Variants in ADCY4 observed in about 807,000 individuals in gnomAD.
The protein encoded by ADCY4 is adenylate cyclase type 4.
In ADCY4, 111 loss-of-function variants were observed where a neutral mutation model predicts 125.5. That is an observed-to-expected ratio of 0.88 (90% CI 0.76 to 1.04). The LOEUF is 1.04. ADCY4 is among the 50% of genes least tolerant of loss of function. ADCY4 has a pLI of 0.00. For missense variants in ADCY4, 1,256 were observed against 1,382.9 expected, an observed-to-expected ratio of 0.91 and a Z score of 1.46; for synonymous variants, 576 against 586.9, an observed-to-expected ratio of 0.98 and a Z score of 0.27.
intron 3 of ADCY4, 90 bp downstream of exon 3, chr14:24,332,432 T>C: frequency 7.0e-7 from 1 of 1,424,748 alleles, no homozygotes. Flanking sequence ...CACCTTGACT[T>C]GGAGTCACAG....
In ADCY4 at chr14:24,319,398, G is replaced by C; in HGVS notation, c.2772C>G (p.Ile924Met). 1 of 1,614,204 alleles carries C rather than the reference G, an allele frequency of 6.2e-7. No homozygotes were observed. The highest frequency in any genetic ancestry group is 8.5e-7 in the Non-Finnish European group (1 of 1,180,036). The change falls in exon 22 of 25, where the codon ATC becomes ATG. Residue 924 changes from isoleucine (I) to methionine (M), a missense_variant. By Grantham distance (10) the Ile-to-Met change is conservative. Transcript: ENST00000418030. The surrounding 1 kb of genome is among the most constrained non-coding windows in gnomAD (Gnocchi z 4.5). ...SKPKFSGVEKIKTIGSTYMAA... is the reference protein window; with the variant it reads ...SKPKFSGVEKMKTIGSTYMAA... ...CCATGTAGGTGCTGCCGATGGTCTT[G>C]ATCTTCTCCACCCCACTGAACTTGG...
chr14:24,332,747 G>A (rs533222814), intron 2 of ADCY4, 44 bp downstream of exon 2: 2 of 1,537,902 alleles, frequency 1.3e-6, no homozygotes, highest in African/African-American at 2.7e-5. Flanking sequence ...GTGAGGGATC[G>A]AAGCCCGGGC....
intron 1 of ADCY4, among the ~76,000 whole-genome samples, chr14:24,333,951 C>G (rs2042091909): frequency 6.6e-6 from 1 of 152,182 alleles, no homozygotes; most frequent in Admixed American, 6.5e-5. Context: ...TTGGCCGCGC[C>G]CGGTGATTTT....
intron 15 of ADCY4, 48 bp downstream of exon 15, chr14:24,324,259 T>G: frequency 6.2e-7 from 1 of 1,614,116 alleles, no homozygotes; most frequent in Non-Finnish European, 8.5e-7. Flanking sequence ...CAGGACAGGT[T>G]GTGACCAGGG....
rs372161864 is a variant in ADCY4, at chr14:24,329,973, G to A, written c.1104C>T (p.Gly368=). Residue 368 remains glycine (G), a synonymous_variant, in exon 8 of 25, where the codon GGC becomes GGT. Transcript: ENST00000418030. ...CACACAGTACGCTGCCTGAGTGCACGCCCACACGCATGTTGATGTCCACGC... is the reference window on the plus strand; with the variant it reads ...CACACAGTACGCTGCCTGAGTGCACACCCACACGCATGTTGATGTCCACGC... The part of the protein sequence containing the change: ...ATGVDINMRV[G]VHSGSVLCGV... The A allele has an allele frequency of 1.5e-5, 24 of 1,613,910 alleles. No individual in the cohort carries two copies. The highest frequency in any genetic ancestry group is 2.2e-5 in the East Asian group (1 of 44,898).
chr14:24,322,889 A>T lies in ADCY4; in HGVS notation c.2342+15T>A, dbSNP rs746586772. ...CCCAGGGGGCCCGGCACCTCTGTCC[A>T]GCAGCTGTGCACACCTGGAGTCCAA... On this transcript the variant is annotated intron_variant, in intron 18 of 24. Coordinates refer to ENST00000418030, the MANE Select transcript of ADCY4 (RefSeq NM_001198568.2). The T allele has an allele frequency of 1.3e-6, 2 of 1,580,976 alleles. No individual in the cohort carries two copies. The highest frequency in any genetic ancestry group is 8.6e-7 in the Non-Finnish European group (1 of 1,163,602).
At position 24,319,390 on chromosome 14, in the gene ADCY4, A is replaced by G; in HGVS notation, c.2780T>C (p.Ile927Thr). The G allele has an allele frequency of 6.2e-7, 1 of 1,614,174 alleles. No homozygotes were observed. The highest frequency in any genetic ancestry group is 8.5e-7 in the Non-Finnish European group (1 of 1,180,034). The change falls in exon 22 of 25, where the codon ATC becomes ACC. Residue 927 changes from isoleucine to threonine, a missense_variant. Transcript: ENST00000418030. The surrounding 1 kb of genome is among the most constrained non-coding windows in gnomAD (Gnocchi z 4.5). ...KFSGVEKIKT[I>T]GSTYMAATGL... ...TGTGGCTGCCATGTAGGTGCTGCCG[A>G]TGGTCTTGATCTTCTCCACCCCACT...
chr14:24,333,734 G>A (rs1594672285), intron 1 of ADCY4, among the ~76,000 whole-genome samples: 2 of 152,226 alleles, frequency 1.3e-5, no homozygotes, highest in East Asian at 1.9e-4. Flanking sequence ...GGAGATTCCC[G>A]GAGCCGGGGA....
intron 13 of ADCY4, 97 bp downstream of exon 13, chr14:24,325,721 G>A (rs2041931500): frequency 6.4e-6 from 9 of 1,405,716 alleles, no homozygotes; most frequent in South Asian, 6.4e-5. Context: ...ATCACAAACT[G>A]AGCAGACTTG....
At position 24,332,560 on chromosome 14, in the gene ADCY4, C is replaced by T; in HGVS notation, c.481G>A (p.Gly161Arg). 6.4e-7 allele frequency: 1 copy of T among 1,574,714 alleles called. No individual in the cohort carries two copies. Among genetic ancestry groups the T allele is most frequent in the Non-Finnish European group, 8.6e-7 (1 of 1,160,220 alleles). ...SHLLVLGLYL[G>R]PQPDSRPALL... ...GCAGGCCGTGAGTCCGGCTGTGGCC[C>T]AAGATACAGCCCGAGGACCAGCAGA... Residue 161 changes from glycine (G) to arginine (R), a missense_variant, in exon 3 of 25, where the codon GGG (glycine) becomes AGG (arginine). Transcript: ENST00000418030.
chr14:24,329,272 A>G (rs1255592103), intron 9 of ADCY4, 38 bp from the exon 10 acceptor site: 4 of 1,604,676 alleles, frequency 2.5e-6, no homozygotes, highest in Non-Finnish European at 3.4e-6. Context: ...GACCACAGAC[A>G]CTTCCTCCTT....
At chr14:24,329,662 T>C in intron 8 of ADCY4, 129 bp from the exon 9 acceptor site, 1 of 1,424,472 alleles carries the variant, frequency 7.0e-7, no homozygotes, top group Non-Finnish European at 9.2e-7. Flanking sequence ...CCTGGATGTC[T>C]GACTTCAAGA....
intron 19 of ADCY4, 154 bp downstream of exon 19, chr14:24,322,470 A>C: frequency 2.2e-6 from 2 of 907,776 alleles, no homozygotes; most frequent in Non-Finnish European, 3.3e-6. Flanking sequence ...TGTGGGAGAA[A>C]GGAGGGGCAG....
rs564005264 is a variant in ADCY4 at position 24,332,000 on chromosome 14, T to A, written c.520-63A>T. 4.2e-5 allele frequency: 61 copies of A among 1,446,528 alleles called. No individual in the cohort carries two copies. In the South Asian group the frequency reaches 8.6e-4, roughly 20 times the overall value. 89.6% of individuals were successfully genotyped at this position (1,446,528 alleles called of 1,614,324 possible). Reference sequence around the variant, plus strand: ...GGGTGCTTGTCGTGTGTAGTTGGAGTTGGTCTCAAAGACTGGCTGGGGAAG... The same window carrying A: ...GGGTGCTTGTCGTGTGTAGTTGGAGATGGTCTCAAAGACTGGCTGGGGAAG... On this transcript the variant is annotated intron_variant, in intron 3 of 24. Coordinates refer to ENST00000418030, the MANE Select transcript of ADCY4 (RefSeq NM_001198568.2).
Position 24,325,862 on chromosome 14 carries a change from T to G in ADCY4, c.1681A>C (p.Asn561His), listed in dbSNP as rs2041933849. Residue 561 changes from asparagine to histidine, a missense_variant, in exon 13 of 25, where the codon AAC (asparagine) becomes CAC (histidine). Asn to His is a moderately conservative substitution (Grantham distance 68). Transcript: ENST00000418030. ...QKQWKQSKDF[N>H]PLTLYFREKE... ...TCTCTGAAGTACAGTGTCAGTGGGT[T>G]GAAGTCCTTCGACTGCTTCCACTGT... The G allele has an allele frequency of 6.3e-7, 1 of 1,596,884 alleles. No homozygotes were observed. Among genetic ancestry groups the G allele is most frequent in the Admixed American group, 1.7e-5 (1 of 58,136 alleles).
At position 24,332,949 on chromosome 14, in the gene ADCY4, A is replaced by C. The variant is rs1363747236; in HGVS notation, c.199T>G (p.Cys67Gly). 6.3e-7 allele frequency: 1 copy of C among 1,588,098 alleles called. No individual in the cohort carries two copies. Residue 67 changes from cysteine (C) to glycine (G), a missense_variant, in exon 2 of 25, where the codon TGC becomes GGC. By Grantham distance (159) the Cys-to-Gly change is radical (BLOSUM62 -3). Coordinates refer to ENST00000418030, the MANE Select transcript of ADCY4 (RefSeq NM_001198568.2). Reference sequence around the variant, plus strand: ...AGCAGCGAGAAGCCGCCCAGCGCGCACAGCACAGTGGTCAGGAAGCTCGGG... The same window carrying C: ...AGCAGCGAGAAGCCGCCCAGCGCGCCCAGCACAGTGGTCAGGAAGCTCGGG... ...SDPSFLTTVL[C>G]ALGGFSLLLG...
At position 24,319,872 on chromosome 14, in the gene ADCY4, G is replaced by A. The variant is rs1175123249; in HGVS notation, c.2603C>T (p.Ser868Phe). ...NRRNEDLYHQ[S>F]YECVCVLFAS... ...GAAGAGGACACAAACGCATTCATAG[G>A]ACTGGTGGTAGAGATCCTGGGGGAA... The change falls in exon 21 of 25, where the codon TCC becomes TTC. Residue 868 changes from serine to phenylalanine, a missense_variant. By Grantham distance (155) the Ser-to-Phe change is radical. Transcript: ENST00000418030. This position sits in a 1 kb window ranked among gnomAD's most constrained non-coding sequence, Gnocchi z 4.5. 1.2e-6 allele frequency: 2 copies of A among 1,613,586 alleles called. No individual in the cohort carries two copies. The highest frequency in any genetic ancestry group is 1.3e-5 in the African/African-American group (1 of 74,902).
At position 24,334,486 on chromosome 14, in the gene ADCY4, C is replaced by T. The variant is rs1470759304; in HGVS notation, c.159+8G>A. 1.3e-6 allele frequency: 2 copies of T among 1,573,884 alleles called. No individual in the cohort carries two copies. The highest frequency in any genetic ancestry group is 2.7e-5 in the African/African-American group (2 of 74,094). ...TAGAGACCCTCCCGCAGCAGAGGCTCGGCTCACCCTGCCGCTGGCCCAGGC... is the reference window on the plus strand; with the variant it reads ...TAGAGACCCTCCCGCAGCAGAGGCTTGGCTCACCCTGCCGCTGGCCCAGGC... On this transcript the variant is annotated splice_region_variant and intron_variant, in intron 1 of 24. Coordinates refer to ENST00000418030, the MANE Select transcript of ADCY4 (RefSeq NM_001198568.2).
chr14:24,322,324 C>T, intron 19 of ADCY4, 100 bp from the exon 20 acceptor site: 1 of 1,333,834 alleles, frequency 7.5e-7, no homozygotes, highest in Non-Finnish European at 1.0e-6. Context: ...ACCACCCCCA[C>T]CCCACCCCCA....
Sources: allele counts gnomAD v4.1 joint callset (sites outside exome capture counted in the v4.1 genomes callset), GRCh38; gene constraint gnomAD v4.1.1; non-coding constraint Gnocchi (gnomAD v3.1); transcripts MANE v1.5; gene names NCBI Gene and HGNC (gene_info 2026-07-23, HGNC 2026-07-21).